The following EXOC6 variants were observed in gnomAD, a reference collection of about 807,000 sequenced individuals.
EXOC6 encodes SEC15-like 1.
Under a neutral mutation model 112.5 loss-of-function variants are expected in EXOC6, and 60 were observed. The observed-to-expected ratio is 0.53, with a 90% CI of 0.43 to 0.66. EXOC6 has a LOEUF of 0.66. Ranked by LOEUF, EXOC6 falls within the 30% of genes least tolerant of loss-of-function variation. The pLI is 0.00. For missense variants in EXOC6, 855 were observed against 957.1 expected (o/e 0.89, Z 1.41); for synonymous variants, 295 against 308.0 (o/e 0.96, Z 0.44).
chr10:93,042,535 CAG>C (rs1232147995), intron 20 of EXOC6, among the ~76,000 whole-genome samples: 2 of 152,182 alleles, frequency 1.3e-5, no homozygotes, highest in Non-Finnish European at 2.9e-5. Context: ...AGTTGGGACT[CAG>C]AGTTTGTAAC....
intron 6 of EXOC6, among the ~76,000 whole-genome samples, chr10:92,914,024 T>C (rs1850945754): frequency 6.6e-6 from 1 of 152,198 alleles, no homozygotes; most frequent in African/African-American, 2.4e-5. Context: ...AATATTGCTC[T>C]CTAGGGCAGG....
chr10:93,031,516 T>TC (rs1845273622), intron 20 of EXOC6, among the ~76,000 whole-genome samples: 1 of 145,690 alleles, frequency 6.9e-6, no homozygotes, highest in African/African-American at 2.5e-5. Flanking sequence ...CTTTCTTTTT[T>TC]TTTTTTTTTT....
At chr10:93,021,281 A>G (rs1159203469) in intron 20 of EXOC6, among the ~76,000 whole-genome samples, 3 of 152,058 alleles carry the variant, frequency 2.0e-5, no homozygotes, top group Admixed American at 1.3e-4. Flanking sequence ...GGGTGTCAAG[A>G]CCAGTCTGGG....
At chr10:92,940,931 T>C (rs2054278125) in intron 13 of EXOC6, 107 bp downstream of exon 13, 2 of 762,202 alleles carry the variant, frequency 2.6e-6, no homozygotes, top group Non-Finnish European at 4.4e-6. Context: ...TTTATTGTAG[T>C]AAAGTACACA....
chr10:92,841,059 G>T (rs1778670186), intron 1 of EXOC6, among the ~76,000 whole-genome samples: 2 of 152,166 alleles, frequency 1.3e-5, no homozygotes, highest in Non-Finnish European at 2.9e-5. Flanking sequence ...TTTTTGTGGT[G>T]AGAACACTTA....
At chr10:93,016,949 A>G (rs1177768086) in intron 20 of EXOC6, among the ~76,000 whole-genome samples, 1 of 151,842 alleles carries the variant, frequency 6.6e-6, no homozygotes, top group Non-Finnish European at 1.5e-5. Flanking sequence ...AGTAGCTGGG[A>G]CTACAGGCGT....
chr10:92,907,689 T>C (rs1332526151), intron 5 of EXOC6, among the ~76,000 whole-genome samples: 1 of 152,214 alleles, frequency 6.6e-6, no homozygotes, highest in Non-Finnish European at 1.5e-5. Flanking sequence ...AATCAGGAAA[T>C]TAGTCAAGGA....
chr10:92,865,869 G>T (rs1156637493), intron 1 of EXOC6, among the ~76,000 whole-genome samples: 3 of 152,052 alleles, frequency 2.0e-5, no homozygotes, highest in African/African-American at 7.2e-5. Context: ...TGAGAGAAAA[G>T]AAAATGTTAT....
upstream of EXOC6, among the ~76,000 whole-genome samples, chr10:92,833,954 A>G (rs1452695419): frequency 6.6e-6 from 1 of 150,938 alleles, no homozygotes; most frequent in Non-Finnish European, 1.5e-5. Context: ...AAACCCTGAC[A>G]TCTTCATTCT....
chr10:92,963,179 G>T (rs182364319), intron 17 of EXOC6, among the ~76,000 whole-genome samples: 4 of 152,244 alleles, frequency 2.6e-5, no homozygotes, highest in Non-Finnish European at 1.5e-5. Flanking sequence ...CTTATTTTTG[G>T]TTTAAAATAA....
intron 20 of EXOC6, among the ~76,000 whole-genome samples, chr10:93,014,713 A>G (rs527813987): frequency 3.8e-4 from 58 of 152,292 alleles, no homozygotes; most frequent in Non-Finnish European, 6.5e-4. Flanking sequence ...CTATTTTTAT[A>G]AATTTTCTGT....
intron 14 of EXOC6, among the ~76,000 whole-genome samples, chr10:92,949,876 G>A (rs962861843): frequency 4.6e-5 from 7 of 152,066 alleles, no homozygotes; most frequent in African/African-American, 7.2e-5. Context: ...GATTACAGGC[G>A]TGAGCCACTG....
chr10:92,984,914 G>T (rs562117828), intron 18 of EXOC6, among the ~76,000 whole-genome samples: 84 of 152,102 alleles, frequency 5.5e-4, no homozygotes, highest in African/African-American at 1.8e-3. Flanking sequence ...TGGGAGGATC[G>T]CTTGAGCCCA....
At chr10:92,915,219 A>G (rs74990718) in intron 6 of EXOC6, among the ~76,000 whole-genome samples, 2,281 of 152,194 alleles carry the variant, frequency 0.015, 51 homozygotes, top group African/African-American at 0.052. Flanking sequence ...GAGGAAATAC[A>G]TGGTTCTACA....
intron 20 of EXOC6, among the ~76,000 whole-genome samples, chr10:93,025,030 A>G (rs928280256): frequency 1.3e-5 from 2 of 152,246 alleles, no homozygotes; most frequent in African/African-American, 4.8e-5. Flanking sequence ...GAGTTACCCA[A>G]GATGACAGGA....
At chr10:92,916,651 A>G (rs1337477060) in intron 7 of EXOC6, among the ~76,000 whole-genome samples, 1 of 152,212 alleles carries the variant, frequency 6.6e-6, no homozygotes, top group Non-Finnish European at 1.5e-5. Context: ...AATTTGCATA[A>G]CAATCTGTCT....
At chr10:92,878,298 C>G (rs1848775447) in intron 1 of EXOC6, 1 of 152,120 alleles carries the variant, frequency 6.6e-6, no homozygotes, top group Admixed American at 6.6e-5. Context: ...CGAGAAAGGT[C>G]CCTGTGGACA....
At chr10:93,001,212 AG>A (rs1318949657) in intron 19 of EXOC6, among the ~76,000 whole-genome samples, 3 of 152,158 alleles carry the variant, frequency 2.0e-5, no homozygotes, top group Admixed American at 2.0e-4. Flanking sequence ...GAGGAAAGGC[AG>A]GTAGTTCAGA....
intron 8 of EXOC6, among the ~76,000 whole-genome samples, chr10:92,921,511 G>T (rs1393563286): frequency 6.6e-6 from 1 of 152,052 alleles, no homozygotes; most frequent in Non-Finnish European, 1.5e-5. Flanking sequence ...GCCTCCCAAA[G>T]TGCTGGGGTT....
Sources: allele counts gnomAD v4.1 joint callset (sites outside exome capture counted in the v4.1 genomes callset), GRCh38; gene constraint gnomAD v4.1.1; transcripts MANE v1.5; gene names NCBI Gene and HGNC (gene_info 2026-07-23, HGNC 2026-07-21).